The following MCHR2 variants were observed in gnomAD, a reference collection of about 807,000 sequenced individuals.
MCHR2 encodes the protein melanin concentrating hormone receptor 2, also known as melanin-concentrating hormone receptor 2.
A neutral mutation model predicts 24.8 loss-of-function variants in MCHR2; 15 were observed. The ratio of observed to expected loss-of-function variants is 0.60; its 90% CI spans 0.40 to 0.93. MCHR2 has a LOEUF of 0.93. MCHR2 is among the 40% of genes least tolerant of loss of function. The pLI is 0.00. For synonymous variants in MCHR2, 151 were observed against 147.6 expected, an observed-to-expected ratio of 1.02 and a Z score of -0.17; for missense variants, 386 against 408.7, an observed-to-expected ratio of 0.94 and a Z score of 0.48.
At chr6:99,922,244 C>T (rs1562115461) in intron 5 of MCHR2, among the ~76,000 whole-genome samples, 1 of 151,850 alleles carries the variant, frequency 6.6e-6, no homozygotes, top group Admixed American at 6.6e-5. Flanking sequence ...GTAGCTGGGA[C>T]TACAGGCGCC....
chr6:99,930,022 A>C (rs1774476201), intron 5 of MCHR2, among the ~76,000 whole-genome samples: 1 of 150,144 alleles, frequency 6.7e-6, no homozygotes, highest in Non-Finnish European at 1.5e-5. Flanking sequence ...GAGCTCTTTT[A>C]GGGCAGGCCT....
At chr6:99,977,208 T>G (rs1473352989) in intron 1 of MCHR2, among the ~76,000 whole-genome samples, 1 of 152,224 alleles carries the variant, frequency 6.6e-6, no homozygotes, top group Non-Finnish European at 1.5e-5. Flanking sequence ...TTAATTAGCA[T>G]GTTCAAAATC....
At chr6:99,961,165 T>A (rs1775177221) in intron 1 of MCHR2, among the ~76,000 whole-genome samples, 1 of 151,354 alleles carries the variant, frequency 6.6e-6, no homozygotes, top group Non-Finnish European at 1.5e-5. Context: ...GGGCAAAGGA[T>A]ATGAACAGAC....
chr6:99,944,382 A>G (rs184922853), intron 3 of MCHR2, among the ~76,000 whole-genome samples: 142 of 152,312 alleles, frequency 9.3e-4, no homozygotes, highest in Non-Finnish European at 1.1e-3. Context: ...TAGTATTAGT[A>G]GAAATTAAAC....
chr6:99,953,631 C>A (rs1173578258), intron 2 of MCHR2, among the ~76,000 whole-genome samples: 1 of 151,112 alleles, frequency 6.6e-6, no homozygotes, highest in African/African-American at 2.4e-5. Flanking sequence ...CAAATTATTC[C>A]ATGAGTTTAA....
intron 5 of MCHR2, among the ~76,000 whole-genome samples, chr6:99,928,369 A>T (rs900539657): frequency 6.6e-6 from 1 of 151,942 alleles, no homozygotes; most frequent in Non-Finnish European, 1.5e-5. Context: ...GTTAGGGAGG[A>T]TTCCCTCTTT....
At chr6:99,969,404 G>A (rs549920918) in intron 1 of MCHR2, among the ~76,000 whole-genome samples, 1 of 148,130 alleles carries the variant, frequency 6.8e-6, no homozygotes, top group Non-Finnish European at 1.5e-5. Context: ...AACTCAGGAG[G>A]TGGAGGTTGC....
intron 1 of MCHR2, among the ~76,000 whole-genome samples, chr6:99,983,169 C>T (rs1394166447): frequency 2.6e-5 from 4 of 151,822 alleles, no homozygotes; most frequent in Non-Finnish European, 5.9e-5. Context: ...CAGGGTTTTA[C>T]CATGTTGTCC....
intron 1 of MCHR2, among the ~76,000 whole-genome samples, chr6:99,975,360 G>C (rs1775527339): frequency 6.6e-6 from 1 of 152,184 alleles, no homozygotes; most frequent in South Asian, 2.1e-4. Flanking sequence ...CGTGGCCGTA[G>C]GACCCTCTGA....
At chr6:99,935,771 C>A (rs919969929) in intron 4 of MCHR2, among the ~76,000 whole-genome samples, 2 of 151,506 alleles carry the variant, frequency 1.3e-5, no homozygotes, top group African/African-American at 4.8e-5. Flanking sequence ...TTTAGTTTTT[C>A]GAGGAGCCTT....
intron 1 of MCHR2, among the ~76,000 whole-genome samples, chr6:99,956,473 G>T (rs534796854): frequency 6.6e-6 from 1 of 152,054 alleles, no homozygotes; most frequent in African/African-American, 2.4e-5. Flanking sequence ...GTATATACTG[G>T]TCCTGGTTGT....
chr6:99,937,842 C>G (rs1774694739), intron 4 of MCHR2, among the ~76,000 whole-genome samples: 1 of 150,832 alleles, frequency 6.6e-6, no homozygotes, highest in African/African-American at 2.4e-5. Context: ...CCTGGACTTT[C>G]CTTTGATGAA....
intron 1 of MCHR2, among the ~76,000 whole-genome samples, chr6:99,983,026 T>A (rs940093868): frequency 6.6e-6 from 1 of 152,266 alleles, no homozygotes; most frequent in Admixed American, 6.5e-5. Flanking sequence ...AGTGGTGCAA[T>A]CACGGCTCAC....
intron 1 of MCHR2, among the ~76,000 whole-genome samples, chr6:99,977,016 C>T (rs1037479197): frequency 3.3e-5 from 5 of 152,162 alleles, no homozygotes; most frequent in Admixed American, 1.3e-4. Flanking sequence ...TTTCTTTTGA[C>T]TTCATTTTTA....
chr6:99,953,608 T>A (rs1162232340), intron 2 of MCHR2, among the ~76,000 whole-genome samples: 1 of 152,170 alleles, frequency 6.6e-6, no homozygotes, highest in African/African-American at 2.4e-5. Flanking sequence ...AAAGTCTTTC[T>A]TGTATTATTT....
At chr6:99,980,668 G>A (rs995832713) in intron 1 of MCHR2, among the ~76,000 whole-genome samples, 1 of 152,072 alleles carries the variant, frequency 6.6e-6, no homozygotes, top group African/African-American at 2.4e-5. Flanking sequence ...CCAACGACTA[G>A]ATACTACCAT....
chr6:99,940,417 AT>A (rs976417215), intron 4 of MCHR2, among the ~76,000 whole-genome samples: 3 of 151,586 alleles, frequency 2.0e-5, no homozygotes, highest in Non-Finnish European at 2.9e-5. Context: ...CAGTTCCAAG[AT>A]TTTTTTTAAT....
At chr6:99,980,098 A>G (rs1369132089) in intron 1 of MCHR2, among the ~76,000 whole-genome samples, 1 of 139,782 alleles carries the variant, frequency 7.2e-6, no homozygotes, top group Non-Finnish European at 1.6e-5. Context: ...AAGTTACATG[A>G]TGATTGTTCT....
rs542541508 is a variant in MCHR2, at chr6:99,968,235, C to T, written c.-27-12061G>A. 3.3e-5 allele frequency among the ~76,000 whole-genome samples: 5 copies of T among 152,232 alleles called. No homozygotes were observed. The South Asian group carries it at 1.0e-3, about 32-fold the overall frequency. On this transcript the variant is annotated intron_variant, in intron 1 of 5. Coordinates refer to ENST00000281806, the MANE Select transcript of MCHR2 (RefSeq NM_001040179.2). ...AACCAAGACAGGGCTGAGGTTAAGG[C>T]TCTCAGTTGTTAGTCCTTAATCTAC...
Sources: allele counts gnomAD v4.1 joint callset (sites outside exome capture counted in the v4.1 genomes callset), GRCh38; gene constraint gnomAD v4.1.1; transcripts MANE v1.5; gene names NCBI Gene and HGNC (gene_info 2026-07-23, HGNC 2026-07-21).